KLHL18: variants seen among roughly 807,000 people sequenced by gnomAD.
KLHL18 encodes kelch-like protein 18.
KLHL18 carries 38 observed loss-of-function variants against 58.5 expected under a neutral mutation model. That is an observed-to-expected ratio of 0.65 (90% confidence interval 0.50 to 0.85). The LOEUF (loss-of-function observed/expected upper bound fraction) is 0.85. KLHL18 is among the 40% of genes least tolerant of loss of function. KLHL18 has a pLI of 0.00. For synonymous variants in KLHL18, 303 were observed against 301.9 expected, an observed-to-expected ratio of 1.00 and a Z score of -0.04; for missense variants, 624 against 778.4, an observed-to-expected ratio of 0.80 and a Z score of 2.36.
At chr3:47,343,494 A>C (rs1021033966) in intron 9 of KLHL18, 61 bp from the exon 10 acceptor site, 1 of 1,586,808 alleles carries the variant, frequency 6.3e-7, no homozygotes, top group African/African-American at 1.4e-5. Context: ...CTGCACGGTC[A>C]CTCCATGGAC....
Position 47,336,568 on chromosome 3 carries a change from C to T in KLHL18, c.932C>T (p.Pro311Leu), listed in dbSNP as rs139767015. ...DSLNVVEVFD[P>L]IANCWERCRP... ...CTGAATGTGGTGGAAGTGTTCGACC[C>T]CATTGCCAATTGCTGGGAGAGATGC... The change falls in exon 7 of 10, where the codon CCC (proline) becomes CTC (leucine). Residue 311 changes from proline (P) to leucine (L), a missense_variant. Pro to Leu is a moderately conservative substitution (Grantham distance 98). Transcript: ENST00000232766. 1.1e-4 allele frequency: 174 copies of T among 1,614,168 alleles called. 1 individual carries two copies. Among genetic ancestry groups the T allele is most frequent in the African/African-American group, 7.9e-4 (59 of 75,046 alleles).
chr3:47,346,346 A>T lies in KLHL18; in HGVS notation c.*2405A>T, dbSNP rs1302096079. The T allele has an allele frequency of 6.6e-6, 1 of 152,664 alleles. No homozygotes were observed. Among genetic ancestry groups the T allele is most frequent in the Non-Finnish European group, 1.5e-5 (1 of 68,058 alleles). The allele number at this position is 152,664 out of a possible 1,614,324, so 9.5% of individuals were successfully genotyped here. On this transcript the variant is annotated 3_prime_UTR_variant, in exon 10 of 10. Transcript: ENST00000232766. ...CAGTGTTTTGATCTGGGCTCTGAGC[A>T]CAAGTCAGGAAACACCAACATATTC...
intron 1 of KLHL18, among the ~76,000 whole-genome samples, chr3:47,296,292 C>T (rs1305144521): frequency 2.0e-5 from 3 of 152,294 alleles, no homozygotes; most frequent in African/African-American, 7.2e-5. Context: ...CCATCTCTTA[C>T]CTAGTATAGT....
intron 3 of KLHL18, among the ~76,000 whole-genome samples, chr3:47,327,560 C>T (rs963352008): frequency 6.6e-6 from 1 of 152,266 alleles, no homozygotes; most frequent in Non-Finnish European, 1.5e-5. Flanking sequence ...CATTCAATCA[C>T]TATAAGTGCT....
chr3:47,283,265 A>G, intron 1 of KLHL18, 171 bp downstream of exon 1: 2 of 619,428 alleles, frequency 3.2e-6, no homozygotes, highest in Non-Finnish European at 5.5e-6. Flanking sequence ...ATCGGGGCCG[A>G]GTGGGGAGAG....
intron 8 of KLHL18, among the ~76,000 whole-genome samples, 191 bp downstream of exon 8, chr3:47,340,867 A>T (rs974662315): frequency 1.1e-4 from 17 of 152,212 alleles, no homozygotes; most frequent in African/African-American, 4.1e-4. Flanking sequence ...ATAAAATTTT[A>T]AAACAAATAG....
intron 1 of KLHL18, among the ~76,000 whole-genome samples, chr3:47,305,640 C>G (rs1257598515): frequency 6.6e-6 from 1 of 151,722 alleles, no homozygotes; most frequent in African/African-American, 2.4e-5. Context: ...TGGAGTTATC[C>G]CTTAATCTTC....
chr3:47,330,913 G>A (rs1264933681), intron 4 of KLHL18, among the ~76,000 whole-genome samples: 1 of 151,804 alleles, frequency 6.6e-6, no homozygotes, highest in African/African-American at 2.4e-5. Context: ...TATACTTTCA[G>A]TAGAGACGGG....
In KLHL18 at chr3:47,336,768, A is replaced by G. The variant is rs758182160; in HGVS notation, c.1121+11A>G. On this transcript the variant is annotated intron_variant, in intron 7 of 9. Transcript: ENST00000232766. ...GAATAGCAAGAGAAGGTATTCTGGA[A>G]GCCACGTGCAGCCCGAACATACACA... is the stretch of plus-strand genomic sequence containing the variant. 6.2e-7 allele frequency: 1 copy of G among 1,602,288 alleles called. No individual in the cohort carries two copies. The highest frequency in any genetic ancestry group is 1.3e-5 in the African/African-American group (1 of 74,714).
intron 1 of KLHL18, among the ~76,000 whole-genome samples, chr3:47,318,220 A>G (rs1023458524): frequency 6.6e-5 from 10 of 152,222 alleles, no homozygotes; most frequent in Non-Finnish European, 1.3e-4. Context: ...TCTGCTGGCC[A>G]GGAGTTCAGA....
At position 47,323,962 on chromosome 3, in the gene KLHL18, T is replaced by C. The variant is rs576507773; in HGVS notation, c.401+1254T>C. The stretch of plus-strand genomic sequence containing the variant: ...TCATGGTCATCACACTGAGTACTGC[T>C]GTGTGTACAGCTAATCAAATAACCG... On this transcript the variant is annotated intron_variant, in intron 3 of 9. Coordinates refer to ENST00000232766, the MANE Select transcript of KLHL18 (RefSeq NM_025010.5). 2.0e-5 allele frequency among the ~76,000 whole-genome samples: 3 copies of C among 152,368 alleles called. No individual in the cohort carries two copies. In the East Asian group the frequency reaches 5.8e-4, roughly 29 times the overall value.
intron 1 of KLHL18, among the ~76,000 whole-genome samples, chr3:47,293,254 A>G (rs1702827263): frequency 6.6e-6 from 1 of 152,248 alleles, no homozygotes; most frequent in South Asian, 2.1e-4. Flanking sequence ...ACACTTGAAC[A>G]TGGTTAAAAT....
In KLHL18 at chr3:47,334,805, G is replaced by T. The variant is rs1409717483; in HGVS notation, c.884G>T (p.Gly295Val). ...GCTGGACTTATCTACGCTGTAGGGG[G>T]CCTCAACTCAGCAGGTACCTTGCGG... is the stretch of plus-strand genomic sequence containing the variant. ...SIAGLIYAVG[G>V]LNSAGDSLNV... Residue 295 changes from glycine to valine, a missense_variant, in exon 6 of 10, where the codon GGC (glycine) becomes GTC (valine). Gly to Val is a moderately radical substitution (Grantham distance 109). Transcript: ENST00000232766. The surrounding 1 kb of genome is among the most constrained non-coding windows in gnomAD (Gnocchi z 4.7). The T allele has an allele frequency of 6.2e-7, 1 of 1,613,218 alleles. No homozygotes were observed. The highest frequency in any genetic ancestry group is 8.5e-7 in the Non-Finnish European group (1 of 1,179,690).
At chr3:47,303,020 A>G (rs564170244) in intron 1 of KLHL18, among the ~76,000 whole-genome samples, 1 of 152,278 alleles carries the variant, frequency 6.6e-6, no homozygotes, top group African/African-American at 2.4e-5. Context: ...TTTCTCAAAG[A>G]TCTATATCTT....
chr3:47,340,744 G>GT (rs1351901560), intron 8 of KLHL18, 68 bp downstream of exon 8: 4 of 1,579,352 alleles, frequency 2.5e-6, no homozygotes, highest in Non-Finnish European at 2.6e-6. Flanking sequence ...CAGAACTGTA[G>GT]TTTTTTTAAT....
chr3:47,336,413 A>G, intron 6 of KLHL18, 122 bp from the exon 7 acceptor site: 1 of 851,332 alleles, frequency 1.2e-6, no homozygotes, highest in Non-Finnish European at 1.9e-6. Flanking sequence ...TTGTGCCTTG[A>G]GTAATTCTGT....
At chr3:47,325,198 G>A (rs1024101075) in intron 3 of KLHL18, among the ~76,000 whole-genome samples, 4 of 151,408 alleles carry the variant, frequency 2.6e-5, no homozygotes, top group Non-Finnish European at 4.4e-5. Context: ...TTTTTTTAAG[G>A]CGGAGCCTTG....
At chr3:47,297,016 AG>A (rs1340963512) in intron 1 of KLHL18, among the ~76,000 whole-genome samples, 3 of 151,896 alleles carry the variant, frequency 2.0e-5, no homozygotes, top group Non-Finnish European at 4.4e-5. Flanking sequence ...AAGTGGGGGG[AG>A]GGTTTAGAAG....
At chr3:47,326,884 G>A (rs1215053156) in intron 3 of KLHL18, among the ~76,000 whole-genome samples, 2 of 151,226 alleles carry the variant, frequency 1.3e-5, no homozygotes, top group Non-Finnish European at 2.9e-5. Flanking sequence ...TCGTGCCATT[G>A]CACTCCAGCC....
Sources: gnomAD v4.1 joint callset for allele counts (sites outside exome capture counted in the v4.1 genomes callset) on GRCh38, gnomAD v4.1.1 for gene constraint, Gnocchi (gnomAD v3.1) non-coding constraint, MANE v1.5 for transcripts, NCBI Gene and HGNC (gene_info 2026-07-23, HGNC 2026-07-21) for gene names.